LRMDA: variants seen among roughly 807,000 people sequenced by gnomAD.
LRMDA encodes the protein leucine rich melanocyte differentiation associated, also known as leucine-rich melanocyte differentiation-associated protein.
A neutral mutation model predicts 29.8 loss-of-function variants in LRMDA; 18 were observed. That is an observed-to-expected ratio of 0.60 (90% confidence interval 0.42 to 0.90). The LOEUF is 0.90. Among genes scored for constraint, LRMDA ranks in the 40% least tolerant of loss-of-function variants. The pLI is 0.00. For missense variants in LRMDA, 273 were observed against 273.9 expected, an observed-to-expected ratio of 1.00 and a Z score of 0.02; for synonymous variants, 125 against 109.4, an observed-to-expected ratio of 1.14 and a Z score of -0.89.
chr10:75,971,081 A>T (rs1482366989), intron 2 of LRMDA, among the ~76,000 whole-genome samples: 1 of 152,124 alleles, frequency 6.6e-6, no homozygotes, highest in Non-Finnish European at 1.5e-5. Context: ...TCCTGGTCCA[A>T]TACTATTCCC....
At chr10:75,540,053 A>G (rs552719424) in intron 2 of LRMDA, among the ~76,000 whole-genome samples, 1 of 152,298 alleles carries the variant, frequency 6.6e-6, no homozygotes, top group Admixed American at 6.5e-5. Context: ...GCTGCTTATA[A>G]TCTAGTGAGG....
chr10:76,207,718 C>G (rs537912442), intron 5 of LRMDA, among the ~76,000 whole-genome samples: 276 of 152,216 alleles, frequency 1.8e-3, no homozygotes, highest in Admixed American at 3.9e-3. Flanking sequence ...AATCCCAGCA[C>G]TTTGGGAGGC....
chr10:75,678,537 C>T (rs1466842557), intron 2 of LRMDA, among the ~76,000 whole-genome samples: 1 of 152,100 alleles, frequency 6.6e-6, no homozygotes, highest in Admixed American at 6.5e-5. Flanking sequence ...CTCCAGAAGT[C>T]TTCCTTGTTT....
At chr10:75,603,882 C>T (rs1446913503) in intron 2 of LRMDA, among the ~76,000 whole-genome samples, 5 of 152,224 alleles carry the variant, frequency 3.3e-5, no homozygotes, top group African/African-American at 7.2e-5. Context: ...ACCAGTACTG[C>T]GTTGATGAGG....
At chr10:76,080,461 A>C (rs2132078664) in intron 5 of LRMDA, among the ~76,000 whole-genome samples, 1 of 152,250 alleles carries the variant, frequency 6.6e-6, no homozygotes, top group Middle Eastern at 3.4e-3. Context: ...ATGGCCAATT[A>C]CCAGGGAAGA....
At chr10:76,444,661 C>T (rs1165545743) in intron 6 of LRMDA, among the ~76,000 whole-genome samples, 1 of 152,098 alleles carries the variant, frequency 6.6e-6, no homozygotes, top group Non-Finnish European at 1.5e-5. Context: ...TCAGAACTCA[C>T]CCTATCACAC....
intron 2 of LRMDA, among the ~76,000 whole-genome samples, chr10:75,860,318 T>C (rs867181861): frequency 7.0e-6 from 1 of 142,724 alleles, no homozygotes; most frequent in Non-Finnish European, 1.5e-5. Flanking sequence ...CTGGTTTTTT[T>C]TTTTTTTTTT....
intron 2 of LRMDA, among the ~76,000 whole-genome samples, chr10:75,748,024 A>G (rs1326497890): frequency 6.6e-6 from 1 of 152,128 alleles, no homozygotes; most frequent in African/African-American, 2.4e-5. Context: ...ACCATCTTCA[A>G]ATTTGTGAGC....
intron 4 of LRMDA, among the ~76,000 whole-genome samples, chr10:76,047,824 A>G (rs1435170360): frequency 6.6e-6 from 1 of 152,194 alleles, no homozygotes; most frequent in East Asian, 1.9e-4. Flanking sequence ...GACAATCTCA[A>G]GAGGAAGTCC....
chr10:75,482,982 T>C (rs983424551), intron 2 of LRMDA, among the ~76,000 whole-genome samples: 5 of 152,098 alleles, frequency 3.3e-5, no homozygotes, highest in Non-Finnish European at 7.4e-5. Flanking sequence ...TCTCACTCTG[T>C]AGCCCAAGCT....
chr10:76,119,871 A>T (rs983430060), intron 5 of LRMDA, among the ~76,000 whole-genome samples: 1 of 152,214 alleles, frequency 6.6e-6, no homozygotes, highest in African/African-American at 2.4e-5. Flanking sequence ...CCAGCTATTA[A>T]GACAAAGAGG....
chr10:75,739,027 C>T (rs147730052), intron 2 of LRMDA, among the ~76,000 whole-genome samples: 7 of 152,290 alleles, frequency 4.6e-5, no homozygotes, highest in East Asian at 1.9e-4. Flanking sequence ...ACACACTGAC[C>T]GTTAAATTAC....
intron 2 of LRMDA, among the ~76,000 whole-genome samples, chr10:75,638,379 A>G (rs1841413406): frequency 6.6e-6 from 1 of 152,254 alleles, no homozygotes; most frequent in African/African-American, 2.4e-5. Context: ...GGTTGAGAAT[A>G]GCATCAAAAA....
chr10:76,044,661 C>A (rs1848399514), intron 3 of LRMDA, among the ~76,000 whole-genome samples: 1 of 152,128 alleles, frequency 6.6e-6, no homozygotes, highest in Non-Finnish European at 1.5e-5. Flanking sequence ...TACTCCCAAC[C>A]TCATCCCCCT....
At chr10:76,512,793 A>T (rs1014841919) in intron 6 of LRMDA, among the ~76,000 whole-genome samples, 4 of 152,162 alleles carry the variant, frequency 2.6e-5, no homozygotes, top group Non-Finnish European at 5.9e-5. Flanking sequence ...TTGTTTTTTT[A>T]ATCTGTATTG....
chr10:75,795,236 A>G (rs1381505730), intron 2 of LRMDA, among the ~76,000 whole-genome samples: 1 of 152,116 alleles, frequency 6.6e-6, no homozygotes, highest in Non-Finnish European at 1.5e-5. Context: ...TCTACTAAAA[A>G]TACAAAAATT....
intron 6 of LRMDA, among the ~76,000 whole-genome samples, chr10:76,333,381 TG>T (rs1406117441): frequency 6.6e-6 from 1 of 152,152 alleles, no homozygotes; most frequent in Non-Finnish European, 1.5e-5. Context: ...GGAAGGAAAT[TG>T]TTTCAGTCTT....
intron 2 of LRMDA, among the ~76,000 whole-genome samples, chr10:75,877,538 CATTCTA>C (rs1845218852): frequency 6.6e-6 from 1 of 152,204 alleles, no homozygotes; most frequent in Admixed American, 6.5e-5. Context: ...GTGCTGGACT[CATTCTA>C]AACGGGCAGT....
At chr10:75,802,788 T>A (rs1386647098) in intron 2 of LRMDA, among the ~76,000 whole-genome samples, 2 of 152,126 alleles carry the variant, frequency 1.3e-5, no homozygotes, top group African/African-American at 4.8e-5. Context: ...GTCTTAAGGG[T>A]TCTCTATAAA....
Sources: allele counts gnomAD v4.1 joint callset (sites outside exome capture counted in the v4.1 genomes callset), GRCh38; gene constraint gnomAD v4.1.1; transcripts MANE v1.5; gene names NCBI Gene and HGNC (gene_info 2026-07-23, HGNC 2026-07-21).